Variants in FIG4 observed in about 807,000 individuals in gnomAD.
FIG4 encodes polyphosphoinositide phosphatase.
FIG4 carries 112 observed loss-of-function variants against 118.6 expected under a neutral mutation model. The ratio of observed to expected loss-of-function variants is 0.94; its 90% CI spans 0.81 to 1.11. FIG4 has a LOEUF of 1.11. Among genes scored for constraint, FIG4 ranks in the 50% least tolerant of loss-of-function variants. FIG4 has a pLI of 0.00. For missense variants in FIG4, 969 were observed against 1,111.7 expected (o/e 0.87, Z 1.83); for synonymous variants, 369 against 381.2 (o/e 0.97, Z 0.37).
At chr6:109,814,555 C>G (rs1487544415) in intron 22 of FIG4, among the ~76,000 whole-genome samples, 1 of 152,022 alleles carries the variant, frequency 6.6e-6, no homozygotes, top group Non-Finnish European at 1.5e-5. Context: ...TACTTTGAAA[C>G]TAAAAATCCT....
At chr6:109,760,196 GT>G in intron 10 of FIG4, 53 bp from the exon 11 acceptor site, 1 of 1,503,128 alleles carries the variant, frequency 6.7e-7, no homozygotes, top group Admixed American at 1.7e-5. Flanking sequence ...TGTTGAGCCT[GT>G]TCCTCTGATT....
intron 10 of FIG4, among the ~76,000 whole-genome samples, chr6:109,748,235 G>A (rs949577394): frequency 6.6e-6 from 1 of 152,126 alleles, no homozygotes; most frequent in South Asian, 2.1e-4. Flanking sequence ...CTTCCAGCAG[G>A]CTTGTGAATG....
At chr6:109,764,237 G>T (rs1276100970) in intron 13 of FIG4, among the ~76,000 whole-genome samples, 2 of 152,072 alleles carry the variant, frequency 1.3e-5, no homozygotes, top group Non-Finnish European at 2.9e-5. Context: ...AGGAGATCGA[G>T]ACCATCCTGG....
At chr6:109,693,679 C>G (rs829811) in intron 1 of FIG4, among the ~76,000 whole-genome samples, 1 of 151,998 alleles carries the variant, frequency 6.6e-6, no homozygotes, top group Non-Finnish European at 1.5e-5. Context: ...AAAATCTGAT[C>G]GACTCAACTA....
intron 1 of FIG4, among the ~76,000 whole-genome samples, 171 bp downstream of exon 1, chr6:109,691,672 G>C (rs1405906849): frequency 6.6e-6 from 1 of 152,156 alleles, no homozygotes; most frequent in Admixed American, 6.5e-5. Context: ...GTGCCTGGGC[G>C]CCTTTCCCCT....
At chr6:109,806,831 C>G (rs886386868) in intron 22 of FIG4, among the ~76,000 whole-genome samples, 2 of 152,088 alleles carry the variant, frequency 1.3e-5, no homozygotes, top group African/African-American at 4.8e-5. Context: ...TGTTCAACTC[C>G]CACTTCTGAG....
Position 109,825,245 on chromosome 6 carries a change from A to G in FIG4, c.2704A>G (p.Ile902Val), listed in dbSNP as rs143685038. ...GGACTCCTCCATGTACCGAGAGTAC[A>G]TCAGGAACCGCTACCTGTGAAAAGA... The part of the protein sequence containing the change: ...KEDSSMYREY[I>V]RNRYL Residue 902 changes from isoleucine to valine, a missense_variant, in exon 23 of 23, where the codon ATC becomes GTC. Ile to Val is a conservative substitution (Grantham distance 29, BLOSUM62 3). Transcript: ENST00000230124. The G allele has an allele frequency of 8.7e-6, 14 of 1,614,004 alleles. No homozygotes were observed. The highest frequency in any genetic ancestry group is 5.3e-5 in the African/African-American group (4 of 74,926).
chr6:109,718,970 G>A (rs939402303), intron 3 of FIG4, among the ~76,000 whole-genome samples: 1 of 148,750 alleles, frequency 6.7e-6, no homozygotes, highest in African/African-American at 2.5e-5. Context: ...CCAGGCTGGA[G>A]TGCAGTGGCG....
intron 15 of FIG4, among the ~76,000 whole-genome samples, chr6:109,769,261 C>T (rs770801334): frequency 1.1e-4 from 17 of 151,750 alleles, no homozygotes; most frequent in Admixed American, 2.0e-4. Context: ...GACTAGAGGA[C>T]GGACAGAATG....
intron 22 of FIG4, among the ~76,000 whole-genome samples, chr6:109,822,345 T>C (rs1779027462): frequency 7.3e-6 from 1 of 137,748 alleles, no homozygotes; most frequent in Admixed American, 7.9e-5. Context: ...TGATTTTCTG[T>C]ATCGATTTTA....
intron 1 of FIG4, chr6:109,701,676 C>G (rs1156957743): frequency 2.1e-6 from 1 of 471,130 alleles, no homozygotes. Flanking sequence ...TAAGGAAGCT[C>G]CCTCCCACCC....
chr6:109,725,110 G>A (rs1166511513), intron 3 of FIG4, among the ~76,000 whole-genome samples: 3 of 152,018 alleles, frequency 2.0e-5, no homozygotes, highest in Non-Finnish European at 4.4e-5. Context: ...TAAAATTTAA[G>A]TTCTGGGATA....
At chr6:109,792,721 T>G (rs1778171635) in intron 21 of FIG4, 57 bp downstream of exon 21, 2 of 889,558 alleles carry the variant, frequency 2.2e-6, no homozygotes, top group Admixed American at 4.1e-5. Flanking sequence ...TTACAGTAAC[T>G]TCTAACTACT....
chr6:109,748,700 G>A (rs1016295667), intron 10 of FIG4, among the ~76,000 whole-genome samples: 1 of 152,130 alleles, frequency 6.6e-6, no homozygotes, highest in Admixed American at 6.6e-5. Context: ...ACAGTTCCAC[G>A]TGGCTGGGGA....
chr6:109,787,084 T>G (rs1324626371), intron 18 of FIG4, among the ~76,000 whole-genome samples: 3 of 152,178 alleles, frequency 2.0e-5, no homozygotes, highest in Non-Finnish European at 2.9e-5. Flanking sequence ...TATCCTTCAT[T>G]TGTTCTTCCA....
At chr6:109,702,831 A>C (rs1326284528) in intron 1 of FIG4, among the ~76,000 whole-genome samples, 1 of 152,096 alleles carries the variant, frequency 6.6e-6, no homozygotes, top group Non-Finnish European at 1.5e-5. Context: ...TTTCCCCTAG[A>C]TGTAAAAATC....
chr6:109,739,284 T>C (rs780256635), intron 7 of FIG4, among the ~76,000 whole-genome samples: 3 of 152,144 alleles, frequency 2.0e-5, no homozygotes, highest in African/African-American at 7.2e-5. Context: ...CTCATTAATT[T>C]GTAGCTACAT....
chr6:109,767,596 C>T (rs6912603), intron 15 of FIG4, among the ~76,000 whole-genome samples: 7,182 of 152,170 alleles, frequency 0.047, 554 homozygotes, highest in African/African-American at 0.16. Flanking sequence ...TGGGGCTGGG[C>T]GTGGTGGCTC....
chr6:109,727,001 A>G (rs1775839524), intron 3 of FIG4, 108 bp from the exon 4 acceptor site: 1 of 877,902 alleles, frequency 1.1e-6, no homozygotes, highest in Non-Finnish European at 1.9e-6. Context: ...TAAATCATAG[A>G]AATAATAAAG....
Sources: allele counts gnomAD v4.1 joint callset (sites outside exome capture counted in the v4.1 genomes callset), GRCh38; gene constraint gnomAD v4.1.1; transcripts MANE v1.5; gene names NCBI Gene and HGNC (gene_info 2026-07-23, HGNC 2026-07-21).